CCT2: variants seen among roughly 807,000 people sequenced by gnomAD.
CCT2 encodes the protein T-complex protein 1 subunit beta.
CCT2 carries 18 observed loss-of-function variants against 61.8 expected under a neutral mutation model. The observed-to-expected ratio is 0.29, with a 90% confidence interval of 0.20 to 0.43. CCT2 has a LOEUF of 0.43. Among genes scored for constraint, CCT2 ranks in the 20% least tolerant of loss-of-function variants. The pLI, the probability that CCT2 is intolerant of heterozygous loss-of-function variation, is 1.00. For synonymous variants in CCT2, 248 were observed against 215.9 expected (o/e 1.15, Z -1.30); for missense variants, 556 against 656.9 (o/e 0.85, Z 1.68).
chr12:69,587,165 C>T (rs1659709615), intron 3 of CCT2: 1 of 320,158 alleles, frequency 3.1e-6, no homozygotes, highest in South Asian at 9.9e-5. Flanking sequence ...AAATTCCTTT[C>T]AGTGTAAGTA....
At chr12:69,586,159 G>A in intron 1 of CCT2, 111 bp from the exon 2 acceptor site, 1 of 1,146,834 alleles carries the variant, frequency 8.7e-7, no homozygotes, top group Non-Finnish European at 1.3e-6. Flanking sequence ...AAACATTGTT[G>A]TAAATGAGTT....
chr12:69,585,610 G>C (rs958092466), intron 1 of CCT2, 86 bp downstream of exon 1: 13 of 1,547,218 alleles, frequency 8.4e-6, no homozygotes, highest in Non-Finnish European at 1.0e-5. Context: ...TGCTAGGGTC[G>C]TAGGCTCCGT....
chr12:69,585,575 TGCC>T lies in CCT2; in HGVS notation c.3+52_3+54del, dbSNP rs747301038. 3.5e-5 allele frequency: 54 copies of T among 1,560,952 alleles called. No homozygotes were observed. The African/African-American group carries it at 6.1e-4, about 18-fold the overall frequency. On this transcript the variant is annotated intron_variant, in intron 1 of 15. Coordinates refer to ENST00000299300, the MANE Select transcript of CCT2 (RefSeq NM_006431.3). ...CCCTACCCCTGCTCCGCCGTGCTCTTGCCACCCCACTGCTTCCTCTGTCCTGCT... is the reference window on the plus strand; with the variant it reads ...CCCTACCCCTGCTCCGCCGTGCTCTTACCCCACTGCTTCCTCTGTCCTGCT...
In CCT2 at chr12:69,586,262, C is replaced by G. The variant is rs1565797241; in HGVS notation, c.4-8C>G. 1 of 1,610,204 alleles carries G rather than the reference C, an allele frequency of 6.2e-7. No individual in the cohort carries two copies. Among genetic ancestry groups the G allele is most frequent in the Non-Finnish European group, 8.5e-7 (1 of 1,176,440 alleles). On this transcript the variant is annotated splice_polypyrimidine_tract_variant and splice_region_variant and intron_variant, in intron 1 of 15. Transcript: ENST00000299300. The stretch of plus-strand genomic sequence containing the variant: ...TTAAACGGAATGCCTCTTGGTTTTC[C>G]TTTTCAGGCGTCCCTTTCCCTTGCA...
rs1014735979 is a variant in CCT2 at position 69,597,717 on chromosome 12, T to C, written c.1182T>C (p.Leu394=). Residue 394 remains leucine (L), a synonymous_variant, in exon 12 of 16, where the codon CTT becomes CTC. Transcript: ENST00000299300. ...CAGAAAGATCATTGCATGATGCTCTTTGTGTTCTTGCGCAAACTGTAAAGG... is the reference window on the plus strand; with the variant it reads ...CAGAAAGATCATTGCATGATGCTCTCTGTGTTCTTGCGCAAACTGTAAAGG... ...DEAERSLHDA[L]CVLAQTVKDS... 16 of 1,613,772 alleles carry C rather than the reference T, an allele frequency of 9.9e-6. No homozygotes were observed. Among genetic ancestry groups the C allele is most frequent in the Admixed American group, 3.3e-5 (2 of 60,022 alleles).
At position 69,599,887 on chromosome 12, in the gene CCT2, A is replaced by G. The variant is rs760610390; in HGVS notation, c.1460A>G (p.Asp487Gly). 5 of 1,613,058 alleles carry G rather than the reference A, an allele frequency of 3.1e-6. No individual in the cohort carries two copies. Among genetic ancestry groups the G allele is most frequent in the Non-Finnish European group, 4.2e-6 (5 of 1,179,564 alleles). The change falls in exon 15 of 16, where the codon GAT (aspartate) becomes GGT (glycine). Residue 487 changes from aspartate (D) to glycine (G), a missense_variant. Around this residue, in one of 3 missense-constraint regions of CCT2, gnomAD observed 225 missense variants for 249.8 expected, o/e 0.90. Coordinates refer to ENST00000299300, the MANE Select transcript of CCT2 (RefSeq NM_006431.3). The part of the protein sequence containing the change: ...GLDMREGTIG[D>G]MAILGITESF... ...GATATGAGGGAAGGCACCATTGGAG[A>G]TATGGCTATCCTGGGTATAACAGAA... is the stretch of plus-strand genomic sequence containing the variant.
intron 1 of CCT2, chr12:69,586,037 A>G (rs1881641393): frequency 7.2e-7 from 1 of 1,385,140 alleles, no homozygotes; most frequent in African/African-American, 1.5e-5. Flanking sequence ...TCGCTGGTGT[A>G]TAATTTATAC....
rs1347916939 is a variant in CCT2 at position 69,588,219 on chromosome 12, A to G, written c.403A>G (p.Lys135Glu). ...TIIAGWREAT[K>E]AAREALLSSA... Reference sequence around the variant, plus strand: ...CATAGCGGGTTGGAGAGAAGCCACGAAGGCTGCAAGAGAGGCGCTGTTGAG... The same window carrying G: ...CATAGCGGGTTGGAGAGAAGCCACGGAGGCTGCAAGAGAGGCGCTGTTGAG... The change falls in exon 6 of 16, where the codon AAG becomes GAG. Residue 135 changes from lysine (K) to glutamate (E), a missense_variant. Around this residue, in one of 3 missense-constraint regions of CCT2, gnomAD observed 308 missense variants for 350.6 expected, o/e 0.88. Coordinates refer to ENST00000299300, the MANE Select transcript of CCT2 (RefSeq NM_006431.3). The G allele has an allele frequency of 6.2e-7, 1 of 1,614,170 alleles. No individual in the cohort carries two copies. Among genetic ancestry groups the G allele is most frequent in the South Asian group, 1.1e-5 (1 of 91,084 alleles).
chr12:69,589,994 ATATG>A (rs1881786352), intron 7 of CCT2, among the ~76,000 whole-genome samples: 1 of 152,204 alleles, frequency 6.6e-6, no homozygotes, highest in South Asian at 2.1e-4. Context: ...TACCAGGATT[ATATG>A]TATTCTCCAG....
intron 15 of CCT2, 58 bp from the exon 16 acceptor site, chr12:69,601,237 C>CTT: frequency 7.3e-7 from 1 of 1,364,032 alleles, no homozygotes; most frequent in South Asian, 1.3e-5. Context: ...TAGTATAATA[C>CTT]TTTGGATAAA....
intron 9 of CCT2, 75 bp downstream of exon 9, chr12:69,593,178 T>C: frequency 7.7e-7 from 1 of 1,297,728 alleles, no homozygotes; most frequent in Non-Finnish European, 1.1e-6. Context: ...TTATATTGAA[T>C]TAGATTTTTT....
At chr12:69,588,119 T>C (rs751096742) in intron 5 of CCT2, 31 bp from the exon 6 acceptor site, 2 of 1,576,798 alleles carry the variant, frequency 1.3e-6, no homozygotes, top group South Asian at 1.1e-5. Context: ...ATTTTCTATT[T>C]ATAACTTTTG....
At chr12:69,591,062 A>T (rs1881821854) in intron 7 of CCT2, among the ~76,000 whole-genome samples, 1 of 152,118 alleles carries the variant, frequency 6.6e-6, no homozygotes, top group Non-Finnish European at 1.5e-5. Flanking sequence ...GGGAAGGAGC[A>T]TTAAAACAAG....
intron 14 of CCT2, 61 bp downstream of exon 14, chr12:69,598,482 T>C: frequency 9.4e-7 from 1 of 1,058,480 alleles, no homozygotes; most frequent in Non-Finnish European, 1.4e-6. Flanking sequence ...ACTAAGCTTT[T>C]TTTTTCTTTT....
chr12:69,598,760 C>T (rs940324311), intron 14 of CCT2, among the ~76,000 whole-genome samples: 1 of 152,154 alleles, frequency 6.6e-6, no homozygotes, highest in African/African-American at 2.4e-5. Flanking sequence ...CTTCTAATTT[C>T]ATAGTAAACT....
chr12:69,594,446 G>A (rs144426295), intron 10 of CCT2, among the ~76,000 whole-genome samples: 36 of 152,274 alleles, frequency 2.4e-4, no homozygotes, highest in Non-Finnish European at 4.7e-4. Context: ...AATCAACATT[G>A]TATAATGAAA....
chr12:69,598,147 C>T, intron 13 of CCT2, 76 bp downstream of exon 13: 1 of 1,095,688 alleles, frequency 9.1e-7, no homozygotes, highest in South Asian at 1.4e-5. Flanking sequence ...AGAAAATGAA[C>T]TGGTTAATAC....
At chr12:69,599,830 A>C (rs1345058172) in intron 14 of CCT2, 33 bp from the exon 15 acceptor site, 10 of 1,578,056 alleles carry the variant, frequency 6.3e-6, no homozygotes, top group Non-Finnish European at 7.8e-6. Context: ...TTTAGTTAAA[A>C]CTGCTTTTTA....
In CCT2 at chr12:69,589,566, A is replaced by C; in HGVS notation, c.528A>C (p.Lys176Asn). 2 of 1,614,108 alleles carry C rather than the reference A, an allele frequency of 1.2e-6. No homozygotes were observed. Among genetic ancestry groups the C allele is most frequent in the Non-Finnish European group, 1.7e-6 (2 of 1,179,956 alleles). Residue 176 changes from lysine to asparagine, a missense_variant, in exon 7 of 16, where the codon AAA (lysine) becomes AAC (asparagine). By Grantham distance (94) the Lys-to-Asn change is moderately conservative (BLOSUM62 0). Transcript: ENST00000299300. ...TLSSKLLTHH[K>N]DHFTKLAVEA... ...CCTCAAAACTTCTTACTCATCACAA[A>C]GACCACTTTACAAAGTTAGCTGTAG...
Sources: allele counts gnomAD v4.1 joint callset (sites outside exome capture counted in the v4.1 genomes callset), GRCh38; gene constraint gnomAD v4.1.1; regional missense constraint gnomAD v4.1.1; transcripts MANE v1.5; gene names NCBI Gene and HGNC (gene_info 2026-07-23, HGNC 2026-07-21).